AANAT: variants seen among roughly 807,000 people sequenced by gnomAD.
AANAT encodes serotonin N-acetyltransferase.
AANAT carries 11 observed loss-of-function variants against 15.6 expected under a neutral mutation model. That is an observed-to-expected ratio of 0.71 (90% CI 0.44 to 1.17). AANAT has a LOEUF of 1.17. Ranked by LOEUF, AANAT falls within the 50% of genes most tolerant of loss-of-function variation. The probability of loss-of-function intolerance (pLI) is 0.00; values close to 1 mark genes in which losing one functional copy is unlikely to be tolerated. For synonymous variants in AANAT, 139 were observed against 131.5 expected (o/e 1.06, Z -0.39); for missense variants, 286 against 296.3 (o/e 0.97, Z 0.26).
Position 76,470,061 on chromosome 17 carries a change from A to T in AANAT, c.*91A>T. 1 of 1,301,702 alleles carries T rather than the reference A, an allele frequency of 7.7e-7. No individual in the cohort carries two copies. The highest frequency in any genetic ancestry group is 1.6e-5 in the South Asian group (1 of 62,268). The allele number at this position is 1,301,702 out of a possible 1,614,324, so 80.6% of individuals were successfully genotyped here. A position where few individuals can be genotyped will look rare whatever the true frequency, so the allele number is the denominator to read the frequency against. ...TGAGCATGGAGACAGCAGTTTCCAG[A>T]GAGTGGAGAGAGCAGGGCTAAATAA... On this transcript the variant is annotated 3_prime_UTR_variant, in exon 4 of 4. Transcript: ENST00000392492.
At chr17:76,453,651 C>T (rs1039713071) in exon 1 of AANAT, 1 of 152,492 alleles carries the variant, frequency 6.6e-6, no homozygotes, top group African/African-American at 2.4e-5. Context: ...CAAACAACTC[C>T]AACTTGTAAG....
At chr17:76,456,673 CAT>C (rs1224742900) in intron 1 of AANAT, among the ~76,000 whole-genome samples, 3 of 152,198 alleles carry the variant, frequency 2.0e-5, no homozygotes, top group Non-Finnish European at 2.9e-5. Flanking sequence ...ACAGCAGTAA[CAT>C]AGTAGCTTCT....
exon 3 of AANAT, chr17:76,462,325 C>T (rs972762655): frequency 2.0e-5 from 3 of 152,142 alleles, no homozygotes; most frequent in Non-Finnish European, 4.4e-5. Flanking sequence ...GAATTTATCA[C>T]CCTGGCAAGG....
rs1270617093 is a variant in AANAT, at chr17:76,460,129, AATTTTTTTTTTT to A, written c.-456+764_-456+775del. The stretch of plus-strand genomic sequence containing the variant: ...CCAGCCTCAGTCACCTACTTCAGGA[AATTTTTTTTTTT>A]TTTTTTTTTTTTTTTTTTTTTTTTT... On this transcript the variant is annotated intron_variant, in intron 2 of 6. Transcript: ENST00000250615. Among the ~76,000 whole-genome samples the A allele has an allele frequency of 4.0e-3, 334 of 82,924 alleles. 1 individual carries two copies. The highest frequency in any genetic ancestry group is 0.016 in the African/African-American group (313 of 19,560). The allele number at this position is 82,924 out of a possible 152,430, so 54.4% of individuals were successfully genotyped here.
In AANAT at chr17:76,469,184, G is replaced by A. The variant is rs373114830; in HGVS notation, c.175G>A (p.Val59Ile). The A allele has an allele frequency of 5.5e-5, 88 of 1,614,098 alleles. No homozygotes were observed. The highest frequency in any genetic ancestry group is 2.8e-4 in the Admixed American group (17 of 60,024). Residue 59 changes from valine (V) to isoleucine (I), a missense_variant, in exon 3 of 4, where the codon GTC (valine) becomes ATC (isoleucine). Physicochemically the swap from Val to Ile is conservative, Grantham distance 29 (BLOSUM62 3). Transcript: ENST00000392492. This position sits in a 1 kb window ranked among gnomAD's most constrained non-coding sequence, Gnocchi z 5.2. Reference protein sequence around the residue: ...FEIEREAFISVLGVCPLYLDE... With the variant: ...FEIEREAFISILGVCPLYLDE... The stretch of plus-strand genomic sequence containing the variant: ...GCCTCCTGCCACAGCCTTCATCTCC[G>A]TCTTGGGCGTCTGCCCCCTGTACCT...
At chr17:76,465,344 A>ATT (rs5822138), upstream of AANAT, among the ~76,000 whole-genome samples, 299 of 138,274 alleles carry the variant, frequency 2.2e-3, 3 homozygotes, top group African/African-American at 3.8e-3. Context: ...TGAGGTCAGG[A>ATT]TTTTTTTTTT....
In AANAT at chr17:76,468,875, G is replaced by A; in HGVS notation, c.129G>A (p.Glu43=). ...GTGAGTTTCGCTGCCTCACCCCGGA[G>A]GACGCTGTCAGCGCCTTTGAGATCG... is the stretch of plus-strand genomic sequence containing the variant. The part of the protein sequence containing the change: ...PASEFRCLTP[E]DAVSAFEIER... The change falls in exon 2 of 4, where the codon GAG becomes GAA. Residue 43 remains glutamate, a synonymous_variant. Transcript: ENST00000392492. The A allele has an allele frequency of 6.2e-7, 1 of 1,613,632 alleles. No individual in the cohort carries two copies. The highest frequency in any genetic ancestry group is 8.5e-7 in the Non-Finnish European group (1 of 1,180,024).
chr17:76,458,996 T>G lies in AANAT; in HGVS notation c.-575-251T>G, dbSNP rs2073363820. ...GCTTTTGGAGTTAAAACGGCCCTTC[T>G]CATTCCTGGAGCCTCACCTGCTCCT... On this transcript the variant is annotated intron_variant, in intron 1 of 6. Transcript: ENST00000250615. 2.0e-5 allele frequency among the ~76,000 whole-genome samples: 3 copies of G among 152,176 alleles called. No homozygotes were observed. The South Asian group carries it at 6.2e-4, about 32-fold the overall frequency.
chr17:76,460,899 T>C (rs1302888736), intron 2 of AANAT, among the ~76,000 whole-genome samples: 1 of 151,928 alleles, frequency 6.6e-6, no homozygotes, highest in Non-Finnish European at 1.5e-5. Flanking sequence ...GCGTGGTGGC[T>C]CATGCCTATA....
In AANAT at chr17:76,469,084, G is replaced by A. The variant is rs1287840874; in HGVS notation, c.164-89G>A. 3.2e-6 allele frequency: 5 copies of A among 1,566,750 alleles called. No homozygotes were observed. The highest frequency in any genetic ancestry group is 2.3e-5 in the South Asian group (2 of 85,754). ...TAACCCCCATTTTCCTGTGGGGAACGGGGCATCTGAGTGGACACTCGGGGT... is the reference window on the plus strand; with the variant it reads ...TAACCCCCATTTTCCTGTGGGGAACAGGGCATCTGAGTGGACACTCGGGGT... On this transcript the variant is annotated intron_variant, in intron 2 of 3. Transcript: ENST00000392492. This position sits in a 1 kb window ranked among gnomAD's most constrained non-coding sequence, Gnocchi z 5.2.
chr17:76,469,563 A>T lies in AANAT; in HGVS notation c.319-102A>T. ...CTTTGCTGGGGTGGGTGCCCTGACC[A>T]CAGGCACCCAGGGGACACCTGCTCC... On this transcript the variant is annotated intron_variant, in intron 3 of 3. Coordinates refer to ENST00000392492, the MANE Select transcript of AANAT (RefSeq NM_001088.3). The surrounding 1 kb of genome is among the most constrained non-coding windows in gnomAD (Gnocchi z 5.2). 1 of 1,335,860 alleles carries T rather than the reference A, an allele frequency of 7.5e-7. No individual in the cohort carries two copies. Among genetic ancestry groups the T allele is most frequent in the South Asian group, 1.5e-5 (1 of 64,982 alleles). The allele number at this position is 1,335,860 out of a possible 1,614,324, so 82.8% of individuals were successfully genotyped here.
chr17:76,455,622 C>G (rs1305583268), intron 1 of AANAT, among the ~76,000 whole-genome samples: 1 of 100,194 alleles, frequency 1.0e-5, no homozygotes, highest in Non-Finnish European at 2.5e-5. Flanking sequence ...CAACGAAAGA[C>G]TAGTAAGTTG....
At chr17:76,464,581 C>A (rs898815967), upstream of AANAT, among the ~76,000 whole-genome samples, 1 of 152,030 alleles carries the variant, frequency 6.6e-6, no homozygotes, top group Non-Finnish European at 1.5e-5. Context: ...CAGGGAGTCG[C>A]GGTGGGTGAG....
Position 76,468,545 on chromosome 17 carries a change from A to G in AANAT, c.-75-127A>G, listed in dbSNP as rs993786570. On this transcript the variant is annotated intron_variant, in intron 1 of 3. Coordinates refer to ENST00000392492, the MANE Select transcript of AANAT (RefSeq NM_001088.3). The stretch of plus-strand genomic sequence containing the variant: ...GCCTCGGGGACCAGGTACCTGGGGA[A>G]TGTGCCCATTGATTTAGGGGCTGTC... The G allele has an allele frequency of 9.3e-6, 7 of 756,530 alleles. No individual in the cohort carries two copies. The African/African-American group carries it at 1.2e-4, about 13-fold the overall frequency. 46.9% of individuals were successfully genotyped at this position (756,530 alleles called of 1,614,324 possible).
chr17:76,465,175 C>T (rs968191340), upstream of AANAT, among the ~76,000 whole-genome samples: 3 of 152,002 alleles, frequency 2.0e-5, no homozygotes, highest in Non-Finnish European at 2.9e-5. Context: ...GACACATTCT[C>T]CCCCCCATCC....
chr17:76,454,195 G>A lies in AANAT; in HGVS notation c.-576+413G>A, dbSNP rs149705708. Among the ~76,000 whole-genome samples the A allele has an allele frequency of 3.7e-3, 558 of 152,264 alleles. 5 individuals are homozygous for A. The highest frequency in any genetic ancestry group is 0.013 in the African/African-American group (529 of 41,544). On this transcript the variant is annotated intron_variant, in intron 1 of 6. Transcript: ENST00000250615. ...TTGTCATTTTAAAATATAAAAAGTA[G>A]GCCGGGCGCGGCAGCTCACACCTGT...
At position 76,469,718 on chromosome 17, in the gene AANAT, G is replaced by A; in HGVS notation, c.372G>A (p.Leu124=). 1.3e-6 allele frequency: 2 copies of A among 1,543,950 alleles called. No individual in the cohort carries two copies. Among genetic ancestry groups the A allele is most frequent in the Non-Finnish European group, 1.7e-6 (2 of 1,144,112 alleles). Residue 124 remains leucine, a synonymous_variant, in exon 4 of 4, where the codon CTG becomes CTA. Coordinates refer to ENST00000392492, the MANE Select transcript of AANAT (RefSeq NM_001088.3). The surrounding 1 kb of genome is among the most constrained non-coding windows in gnomAD (Gnocchi z 5.2). ...SGGHIAHLHV[L]AVHRAFRQQG... is the part of the protein sequence containing the mutation. ...GCCACATAGCCCACCTGCATGTGCT[G>A]GCCGTGCACCGCGCCTTCCGGCAGC...
chr17:76,457,946 G>T (rs1051430947), intron 1 of AANAT, among the ~76,000 whole-genome samples: 1 of 152,250 alleles, frequency 6.6e-6, no homozygotes, highest in Non-Finnish European at 1.5e-5. Context: ...TGAGGCTGGA[G>T]AATCACTTGA....
intron 1 of AANAT, among the ~76,000 whole-genome samples, chr17:76,455,843 G>A (rs1050868181): frequency 2.0e-5 from 3 of 151,680 alleles, no homozygotes; most frequent in Non-Finnish European, 2.9e-5. Context: ...GTGAAACCCC[G>A]TCTCTGCTAA....
Sources: allele counts gnomAD v4.1 joint callset (sites outside exome capture counted in the v4.1 genomes callset), GRCh38; gene constraint gnomAD v4.1.1; non-coding constraint Gnocchi (gnomAD v3.1); transcripts MANE v1.5; gene names NCBI Gene and HGNC (gene_info 2026-07-23, HGNC 2026-07-21).